Variants in SYNE2 observed in about 807,000 individuals in gnomAD.
SYNE2 encodes nesprin-2.
Under a neutral mutation model 856.3 loss-of-function variants are expected in SYNE2, and 431 were observed. The ratio of observed to expected loss-of-function variants is 0.50; its 90% CI spans 0.47 to 0.55. SYNE2 has a LOEUF of 0.55. Among genes scored for constraint, SYNE2 ranks in the 20% least tolerant of loss-of-function variants. The pLI, the probability that SYNE2 is intolerant of heterozygous loss-of-function variation, is 0.00. For synonymous variants in SYNE2, 2,923 were observed against 2,872.3 expected, an observed-to-expected ratio of 1.02 and a Z score of -0.56; for missense variants, 8,129 against 8,023.2, an observed-to-expected ratio of 1.01 and a Z score of -0.50.
chr14:64,113,546 T>C lies in SYNE2; in HGVS notation c.12815T>C (p.Leu4272Pro). ...TTAAACGCAGACATGCAGCAGGTGCTGGAACAGCAGCTGGTAGGGTGCCAG... is the reference window on the plus strand; with the variant it reads ...TTAAACGCAGACATGCAGCAGGTGCCGGAACAGCAGCTGGTAGGGTGCCAG... Reference protein sequence around the residue: ...ETLNADMQQVLEQQLVGCQAM... With the variant: ...ETLNADMQQVPEQQLVGCQAM... The change falls in exon 66 of 116, where the codon CTG (leucine) becomes CCG (proline). Residue 4272 changes from leucine (L) to proline (P), a missense_variant. Transcript: ENST00000555002. The C allele has an allele frequency of 6.2e-7, 1 of 1,611,644 alleles. No individual in the cohort carries two copies. The highest frequency in any genetic ancestry group is 8.5e-7 in the Non-Finnish European group (1 of 1,178,736).
At chr14:63,998,760 G>A (rs553750537) in intron 26 of SYNE2, among the ~76,000 whole-genome samples, 154 bp from the exon 27 acceptor site, 1 of 152,106 alleles carries the variant, frequency 6.6e-6, no homozygotes, top group African/African-American at 2.4e-5. Flanking sequence ...ATGAGGTTTC[G>A]CCATGTTGGC....
At chr14:63,986,797 A>G (rs1169946963) in intron 19 of SYNE2, among the ~76,000 whole-genome samples, 180 bp downstream of exon 19, 2 of 152,192 alleles carry the variant, frequency 1.3e-5, no homozygotes, top group Non-Finnish European at 2.9e-5. Context: ...TTGAAAGCAG[A>G]GGATAGATTA....
chr14:63,940,539 C>A, intron 2 of SYNE2, 75 bp from the exon 3 acceptor site: 1 of 1,376,914 alleles, frequency 7.3e-7, no homozygotes, highest in Non-Finnish European at 1.0e-6. Flanking sequence ...CGTGACAGAC[C>A]TTTGAAGCTC....
At position 64,142,004 on chromosome 14, in the gene SYNE2, T is replaced by C. The variant is rs1194137405; in HGVS notation, c.15222T>C (p.Asn5074=). Residue 5074 remains asparagine (N), a synonymous_variant, in exon 82 of 116, where the codon AAT becomes AAC. Coordinates refer to ENST00000555002, the MANE Select transcript of SYNE2 (RefSeq NM_182914.3). ...CAGAAATGATTAGCTGGATGAACAA[T>C]GTGGAGCATCAAACTTCAGATGAAG... ...AITEMISWMN[N]VEHQTSDEDS... is the part of the protein sequence containing the mutation. The C allele has an allele frequency of 6.2e-7, 1 of 1,613,996 alleles. No individual in the cohort carries two copies. Among genetic ancestry groups the C allele is most frequent in the Non-Finnish European group, 8.5e-7 (1 of 1,180,012 alleles).
chr14:64,151,898 G>A (rs61987288), intron 84 of SYNE2, among the ~76,000 whole-genome samples: 18 of 152,106 alleles, frequency 1.2e-4, no homozygotes, highest in Non-Finnish European at 2.4e-4. Flanking sequence ...AAGCAGCTCC[G>A]ACCGTCCTTC....
Position 64,053,493 on chromosome 14 carries a change from G to A in SYNE2, c.9580G>A (p.Ala3194Thr), listed in dbSNP as rs763014917. ...HIQNEKDNCEAFQEQVWAEMC... is the reference protein window; with the variant it reads ...HIQNEKDNCETFQEQVWAEMC... ...TCAAAATGAAAAGGACAATTGTGAAGCATTTCAGGAGCAAGTTTGGGCAGA... is the reference window on the plus strand; with the variant it reads ...TCAAAATGAAAAGGACAATTGTGAAACATTTCAGGAGCAAGTTTGGGCAGA... The change falls in exon 48 of 116, where the codon GCA becomes ACA. Residue 3194 changes from alanine (A) to threonine (T), a missense_variant. Transcript: ENST00000555002. 1.2e-6 allele frequency: 2 copies of A among 1,614,188 alleles called. No homozygotes were observed. Among genetic ancestry groups the A allele is most frequent in the East Asian group, 2.2e-5 (1 of 44,888 alleles).
rs191302958 is a variant in SYNE2 at position 64,146,924 on chromosome 14, G to A, written c.15639+701G>A. ...TCTGGCCGGACCCCATTTCTACTGAGGAGGTCACGGGATAGCACTGGACAT... is the reference window on the plus strand; with the variant it reads ...TCTGGCCGGACCCCATTTCTACTGAAGAGGTCACGGGATAGCACTGGACAT... On this transcript the variant is annotated intron_variant, in intron 84 of 115. Coordinates refer to ENST00000555002, the MANE Select transcript of SYNE2 (RefSeq NM_182914.3). 5.3e-5 allele frequency among the ~76,000 whole-genome samples: 8 copies of A among 152,340 alleles called. No homozygotes were observed. The East Asian group carries it at 1.5e-3, about 29-fold the overall frequency.
At chr14:63,929,226 G>T (rs904416049) in intron 2 of SYNE2, among the ~76,000 whole-genome samples, 1 of 152,052 alleles carries the variant, frequency 6.6e-6, no homozygotes, top group East Asian at 1.9e-4. Context: ...TTCTAGAGGG[G>T]TGAGAAGAGC....
At chr14:63,901,706 T>C (rs1460842653) in intron 1 of SYNE2, among the ~76,000 whole-genome samples, 2 of 152,316 alleles carry the variant, frequency 1.3e-5, no homozygotes, top group East Asian at 3.9e-4. Flanking sequence ...GGAGGATGGC[T>C]TCAGTTCAGG....
At chr14:63,922,478 G>A (rs940966765) in intron 2 of SYNE2, among the ~76,000 whole-genome samples, 2 of 152,072 alleles carry the variant, frequency 1.3e-5, no homozygotes, top group South Asian at 2.1e-4. Context: ...TCAGCAAGCC[G>A]TCTGAGCCCC....
At chr14:64,123,094 C>T (rs77077843) in intron 70 of SYNE2, among the ~76,000 whole-genome samples, 13,308 of 148,298 alleles carry the variant, frequency 0.09, 794 homozygotes, top group East Asian at 0.24. Flanking sequence ...AGTGAAACTG[C>T]GTCTCAAAAA....
In SYNE2 at chr14:64,224,468, C is replaced by G. The variant is rs377017805; in HGVS notation, c.20390C>G (p.Ala6797Gly). Reference protein sequence around the residue: ...LMALQGTQNPASPLPSFDEVD... With the variant: ...LMALQGTQNPGSPLPSFDEVD... ...TTGGGGTCTGAATTTCAGAACCCAGCCTCACCCCTGCCCAGCTTCGACGAG... is the reference window on the plus strand; with the variant it reads ...TTGGGGTCTGAATTTCAGAACCCAGGCTCACCCCTGCCCAGCTTCGACGAG... Residue 6797 changes from alanine (A) to glycine (G), a missense_variant, in exon 114 of 116, where the codon GCC becomes GGC. Transcript: ENST00000555002. 1 of 1,611,830 alleles carries G rather than the reference C, an allele frequency of 6.2e-7. No homozygotes were observed. Among genetic ancestry groups the G allele is most frequent in the Non-Finnish European group, 8.5e-7 (1 of 1,178,720 alleles).
rs374753364 is a variant in SYNE2 at position 64,003,024 on chromosome 14, A to G, written c.4091A>G (p.Glu1364Gly). ...QENTLTVKNK[E>G]GEIHLMKDKA... ...AATACGTTGACAGTAAAAAATAAAGAGGGAGAAATTCATCTGATGAAAGAC... is the reference window on the plus strand; with the variant it reads ...AATACGTTGACAGTAAAAAATAAAGGGGGAGAAATTCATCTGATGAAAGAC... The change falls in exon 30 of 116, where the codon GAG becomes GGG. Residue 1364 changes from glutamate (E) to glycine (G), a missense_variant. Transcript: ENST00000555002. 1.8e-5 allele frequency: 29 copies of G among 1,614,064 alleles called. No individual in the cohort carries two copies. Among genetic ancestry groups the G allele is most frequent in the Non-Finnish European group, 2.5e-5 (29 of 1,180,022 alleles).
intron 88 of SYNE2, chr14:64,162,557 T>A: frequency 2.2e-6 from 1 of 458,996 alleles, no homozygotes; most frequent in Non-Finnish European, 4.0e-6. Context: ...AAGCTTCATA[T>A]GAAATCTGAA....
intron 96 of SYNE2, among the ~76,000 whole-genome samples, chr14:64,183,115 CGGA>C (rs2098468517): frequency 6.6e-6 from 1 of 150,902 alleles, no homozygotes; most frequent in African/African-American, 2.4e-5. Context: ...CCTCACTTCT[CGGA>C]CGGGGCGGCT....
chr14:64,064,987 C>T (rs2097347412), intron 50 of SYNE2, among the ~76,000 whole-genome samples: 1 of 151,816 alleles, frequency 6.6e-6, no homozygotes, highest in Non-Finnish European at 1.5e-5. Flanking sequence ...GCTTCAGCCT[C>T]CTGAGTAGCT....
At chr14:63,996,732 G>C (rs957445276) in intron 23 of SYNE2, among the ~76,000 whole-genome samples, 27 of 152,018 alleles carry the variant, frequency 1.8e-4, no homozygotes, top group Non-Finnish European at 3.4e-4. Context: ...AGCACACTCT[G>C]TGCTGGTTCT....
intron 42 of SYNE2, 86 bp from the exon 43 acceptor site, chr14:64,027,398 A>C: frequency 1.2e-6 from 1 of 814,054 alleles, no homozygotes. Flanking sequence ...TTTAATGTTT[A>C]TTAGGATGTG....
At chr14:64,007,318 C>T in intron 31 of SYNE2, 96 bp downstream of exon 31, 4 of 1,136,694 alleles carry the variant, frequency 3.5e-6, no homozygotes, top group Non-Finnish European at 5.4e-6. Flanking sequence ...TCTCCGTGGA[C>T]CCAAAGGAGG....
Sources: gnomAD v4.1 joint callset for allele counts (sites outside exome capture counted in the v4.1 genomes callset) on GRCh38, gnomAD v4.1.1 for gene constraint, MANE v1.5 for transcripts, NCBI Gene and HGNC (gene_info 2026-07-23, HGNC 2026-07-21) for gene names.